The following CDK5RAP2 variants were observed in gnomAD, a reference collection of about 807,000 sequenced individuals.
CDK5RAP2 encodes the protein CDK5 regulatory subunit-associated protein 2.
CDK5RAP2 carries 147 observed loss-of-function variants against 232.9 expected under a neutral mutation model. That is an observed-to-expected ratio of 0.63 (90% CI 0.55 to 0.72). The LOEUF (loss-of-function observed/expected upper bound fraction) is 0.72, where lower values mean the gene tolerates loss of function less well. Among genes scored for constraint, CDK5RAP2 ranks in the 30% least tolerant of loss-of-function variants. The pLI, the probability that CDK5RAP2 is intolerant of heterozygous loss-of-function variation, is 0.00. For synonymous variants in CDK5RAP2, 833 were observed against 833.7 expected (o/e 1.00, Z 0.01); for missense variants, 2,195 against 2,231.5 (o/e 0.98, Z 0.33).
chr9:120,532,085 G>A (rs2041179705), intron 7 of CDK5RAP2, among the ~76,000 whole-genome samples: 1 of 151,794 alleles, frequency 6.6e-6, no homozygotes, highest in African/African-American at 2.4e-5. Flanking sequence ...GGGGACTCCT[G>A]TGGCCAAGCT....
At chr9:120,510,949 T>C (rs2040052023) in intron 12 of CDK5RAP2, among the ~76,000 whole-genome samples, 1 of 152,220 alleles carries the variant, frequency 6.6e-6, no homozygotes. Flanking sequence ...ACTCAATAAA[T>C]GTGTTGAATA....
intron 28 of CDK5RAP2, among the ~76,000 whole-genome samples, chr9:120,413,844 AAGGAGGAG>A (rs2034033519): frequency 6.7e-6 from 1 of 148,430 alleles, no homozygotes; most frequent in African/African-American, 2.5e-5. Flanking sequence ...GGGAGGAGGG[AAGGAGGAG>A]GGAGGGAGAG....
At chr9:120,406,492 C>T (rs1479917301) in intron 32 of CDK5RAP2, 1 of 157,068 alleles carries the variant, frequency 6.4e-6, no homozygotes, top group Non-Finnish European at 1.4e-5. Flanking sequence ...TTGCTCCACA[C>T]CCTGGGTGGG....
At chr9:120,464,571 T>A (rs1324679841) in intron 18 of CDK5RAP2, among the ~76,000 whole-genome samples, 2 of 152,198 alleles carry the variant, frequency 1.3e-5, no homozygotes, top group Non-Finnish European at 2.9e-5. Flanking sequence ...AGAAGCATCA[T>A]CACCCAAATT....
chr9:120,401,793 G>A (rs2131266150), intron 34 of CDK5RAP2, among the ~76,000 whole-genome samples: 1 of 152,096 alleles, frequency 6.6e-6, no homozygotes, highest in East Asian at 1.9e-4. Context: ...AGACCAGCCT[G>A]CCCAGCATGG....
At chr9:120,571,095 C>T (rs573805689) in intron 2 of CDK5RAP2, among the ~76,000 whole-genome samples, 1 of 152,212 alleles carries the variant, frequency 6.6e-6, no homozygotes, top group African/African-American at 2.4e-5. Context: ...GAGGTCAAGG[C>T]TGCAGTGTGC....
At chr9:120,481,595 C>G (rs1287931808) in intron 14 of CDK5RAP2, among the ~76,000 whole-genome samples, 1 of 151,340 alleles carries the variant, frequency 6.6e-6, no homozygotes, top group Non-Finnish European at 1.5e-5. Flanking sequence ...TCAATGCAAC[C>G]TCCACCTCCC....
At chr9:120,425,444 C>T (rs1254173710) in intron 25 of CDK5RAP2, among the ~76,000 whole-genome samples, 1 of 152,142 alleles carries the variant, frequency 6.6e-6, no homozygotes, top group Non-Finnish European at 1.5e-5. Context: ...ATCTCTCAGG[C>T]AAATCTTGTT....
intron 35 of CDK5RAP2, among the ~76,000 whole-genome samples, chr9:120,400,281 A>G (rs779899035): frequency 9.0e-4 from 137 of 152,344 alleles, no homozygotes; most frequent in Admixed American, 3.8e-3. Flanking sequence ...GTCCACTCAA[A>G]TATGATGATG....
chr9:120,434,346 G>T (rs150992320), intron 25 of CDK5RAP2, among the ~76,000 whole-genome samples: 10 of 152,250 alleles, frequency 6.6e-5, no homozygotes, highest in Non-Finnish European at 1.3e-4. Context: ...GGAGAGGGTG[G>T]GGCGGCAGAA....
At chr9:120,575,385 C>T (rs1179653232) in intron 1 of CDK5RAP2, among the ~76,000 whole-genome samples, 2 of 152,046 alleles carry the variant, frequency 1.3e-5, no homozygotes, top group African/African-American at 4.8e-5. Flanking sequence ...TTTTGAGTGA[C>T]TGAATGGACC....
chr9:120,426,232 T>C (rs566151879), intron 25 of CDK5RAP2, among the ~76,000 whole-genome samples: 31 of 152,346 alleles, frequency 2.0e-4, no homozygotes, highest in African/African-American at 7.5e-4. Flanking sequence ...TCAACCAGTT[T>C]TGGAGTTTAT....
At position 120,520,908 on chromosome 9, in the gene CDK5RAP2, A is replaced by G. The variant is rs141321852; in HGVS notation, c.1093-2263T>C. On this transcript the variant is annotated intron_variant, in intron 11 of 37. Transcript: ENST00000349780. ...ATATGAACTGTATCTCATATATCAT[A>G]TATCTCATATGAGCTGTATCTCATA... Among the ~76,000 whole-genome samples, 1,118 of 142,890 alleles carry G rather than the reference A, an allele frequency of 7.8e-3. 13 individuals are homozygous for G. Among genetic ancestry groups the G allele is most frequent in the African/African-American group, 0.027 (1,036 of 38,334 alleles). The allele number at this position is 142,890 out of a possible 152,430, so 93.7% of individuals were successfully genotyped here. A position where few individuals can be genotyped will look rare whatever the true frequency, so the allele number is the denominator to read the frequency against.
At chr9:120,530,170 T>C in intron 7 of CDK5RAP2, 30 bp from the exon 8 acceptor site, 1 of 1,571,970 alleles carries the variant, frequency 6.4e-7, no homozygotes, top group South Asian at 1.1e-5. Context: ...AAATATTAAT[T>C]CTAAGCTGTT....
intron 25 of CDK5RAP2, among the ~76,000 whole-genome samples, chr9:120,432,642 C>T (rs145511425): frequency 2.2e-3 from 337 of 152,306 alleles, no homozygotes; most frequent in African/African-American, 7.5e-3. Context: ...AGGAGAAAAT[C>T]AAGTTCTATG....
rs555518619 is a variant in CDK5RAP2, at chr9:120,402,134, A to T, written c.5307+672T>A. 2.7e-4 allele frequency among the ~76,000 whole-genome samples: 41 copies of T among 152,096 alleles called. 1 individual carries two copies. The East Asian group carries it at 7.9e-3, about 29-fold the overall frequency. Reference sequence around the variant, plus strand: ...GAGTGAGACCCTGTCTCTAAAAAAAATTTTTTTTAAAAGCCAGGTGTGATG... The same window carrying T: ...GAGTGAGACCCTGTCTCTAAAAAAATTTTTTTTTAAAAGCCAGGTGTGATG... On this transcript the variant is annotated intron_variant, in intron 34 of 37. Transcript: ENST00000349780.
rs2034161331 is a variant in CDK5RAP2 at position 120,415,572 on chromosome 9, G to A, written c.4178-413C>T. ...TCATAATGAATCCAGATATTTTCGA[G>A]ACTAATTTTTTGAAAGGAATATGTT... On this transcript the variant is annotated intron_variant, in intron 27 of 37. Coordinates refer to ENST00000349780, the MANE Select transcript of CDK5RAP2 (RefSeq NM_018249.6). 2.6e-5 allele frequency among the ~76,000 whole-genome samples: 4 copies of A among 152,086 alleles called. No homozygotes were observed. The South Asian group carries it at 8.3e-4, about 32-fold the overall frequency.
At chr9:120,460,843 T>C (rs2037048394) in intron 18 of CDK5RAP2, 176 bp from the exon 19 acceptor site, 2 of 1,055,148 alleles carry the variant, frequency 1.9e-6, no homozygotes, top group Non-Finnish European at 1.4e-6. Flanking sequence ...TTAGAGTTGC[T>C]AGTTGTGGCG....
chr9:120,525,181 G>A, intron 10 of CDK5RAP2, 103 bp from the exon 11 acceptor site: 7 of 892,402 alleles, frequency 7.8e-6, no homozygotes. Context: ...TATAATCAAG[G>A]GCTTTGTAGT....
Sources: allele counts gnomAD v4.1 joint callset (sites outside exome capture counted in the v4.1 genomes callset), GRCh38; gene constraint gnomAD v4.1.1; transcripts MANE v1.5; gene names NCBI Gene and HGNC (gene_info 2026-07-23, HGNC 2026-07-21).